The following ABCA9 variants were observed in gnomAD, a reference collection of about 807,000 sequenced individuals.
ABCA9 encodes the protein ATP binding cassette subfamily A member 9.
A neutral mutation model predicts 205.3 loss-of-function variants in ABCA9; 183 were observed. The observed-to-expected ratio is 0.89, with a 90% CI of 0.79 to 1.01. The LOEUF (loss-of-function observed/expected upper bound fraction) is 1.01, where lower values mean the gene tolerates loss of function less well. Ranked by LOEUF, ABCA9 falls within the 50% of genes least tolerant of loss-of-function variation. The pLI is 0.00. For synonymous variants in ABCA9, 651 were observed against 683.3 expected (o/e 0.95, Z 0.74); for missense variants, 1,805 against 1,912.4 (o/e 0.94, Z 1.05).
intron 34 of ABCA9, among the ~76,000 whole-genome samples, chr17:68,984,391 T>G (rs2069162985): frequency 6.6e-6 from 1 of 152,188 alleles, no homozygotes. Context: ...AGATGCTGTT[T>G]ATAAAAATAC....
At chr17:69,042,731 G>A (rs1168665060) in intron 6 of ABCA9, 2 of 152,132 alleles carry the variant, frequency 1.3e-5, no homozygotes, top group Non-Finnish European at 2.9e-5. Flanking sequence ...AAATAAATTT[G>A]GAAAGTTTCA....
chr17:69,041,629 G>A (rs1433505283), intron 6 of ABCA9, among the ~76,000 whole-genome samples: 5 of 152,028 alleles, frequency 3.3e-5, no homozygotes, highest in East Asian at 1.9e-4. Flanking sequence ...ACTTGAACCC[G>A]GGAGGGGGAG....
chr17:68,980,353 C>A (rs1465214932), intron 37 of ABCA9, among the ~76,000 whole-genome samples: 1 of 152,082 alleles, frequency 6.6e-6, no homozygotes, highest in Non-Finnish European at 1.5e-5. Context: ...TAAACTAGTT[C>A]AACCATTGTG....
At chr17:69,041,498 G>T (rs867396702) in intron 6 of ABCA9, among the ~76,000 whole-genome samples, 20 of 152,196 alleles carry the variant, frequency 1.3e-4, no homozygotes, top group Admixed American at 1.3e-4. Flanking sequence ...GAGGTCAGGA[G>T]TTCAAGACCA....
chr17:68,993,430 T>C (rs2069519357), intron 26 of ABCA9, among the ~76,000 whole-genome samples: 1 of 152,226 alleles, frequency 6.6e-6, no homozygotes, highest in South Asian at 2.1e-4. Context: ...TCTTCATTTG[T>C]GCTCTTCCCT....
In ABCA9 at chr17:69,030,865, T is replaced by G. The variant is rs149050463; in HGVS notation, c.1445+1243A>C. On this transcript the variant is annotated intron_variant, in intron 10 of 38. Coordinates refer to ENST00000340001, the MANE Select transcript of ABCA9 (RefSeq NM_080283.4). ...TGGTTGGTATAATAATACCTTTTAA[T>G]TGACATTTCACTTTTCTGCCTTCTA... 2.7e-3 allele frequency among the ~76,000 whole-genome samples: 416 copies of G among 152,332 alleles called. 2 individuals are homozygous for G. The highest frequency in any genetic ancestry group is 6.8e-3 in the African/African-American group (281 of 41,582).
chr17:69,013,335 TCTTTA>T (rs1394713069), intron 22 of ABCA9, among the ~76,000 whole-genome samples: 2 of 152,188 alleles, frequency 1.3e-5, no homozygotes, highest in African/African-American at 4.8e-5. Flanking sequence ...TTTTGAAGTT[TCTTTA>T]CTTCTCTGTT....
At chr17:69,044,669 CA>C in intron 4 of ABCA9, 69 bp from the exon 5 acceptor site, 1 of 1,406,914 alleles carries the variant, frequency 7.1e-7, no homozygotes, top group Non-Finnish European at 9.8e-7. Flanking sequence ...AACAAAATTT[CA>C]AATGTTTCAA....
At chr17:68,995,703 T>C (rs1223952971) in intron 26 of ABCA9, among the ~76,000 whole-genome samples, 192 bp downstream of exon 26, 2 of 152,132 alleles carry the variant, frequency 1.3e-5, no homozygotes, top group Non-Finnish European at 2.9e-5. Context: ...TGACTTGTCA[T>C]AAACCAAAGC....
rs1474517819 is a variant in ABCA9 at position 69,056,803 on chromosome 17, A to G, written c.-14+4063T>C. Among the ~76,000 whole-genome samples the G allele has an allele frequency of 2.0e-5, 3 of 152,318 alleles. No homozygotes were observed. In the East Asian group the frequency reaches 5.8e-4, roughly 29 times the overall value. ...GAGCAGAAGGAACTAGAGTAGAGTG[A>G]TGGTGGTAATAACTATTTTGGAATA... On this transcript the variant is annotated intron_variant, in intron 1 of 38. Coordinates refer to ENST00000340001, the MANE Select transcript of ABCA9 (RefSeq NM_080283.4).
chr17:69,012,104 G>A (rs754007166), intron 22 of ABCA9, 21 bp from the exon 23 acceptor site: 4 of 1,533,772 alleles, frequency 2.6e-6, no homozygotes, highest in Admixed American at 1.8e-5. Flanking sequence ...GTGGAACATG[G>A]TGAGCTGATG....
chr17:69,031,153 C>A (rs963461041), intron 10 of ABCA9, among the ~76,000 whole-genome samples: 4 of 152,158 alleles, frequency 2.6e-5, no homozygotes, highest in Non-Finnish European at 4.4e-5. Context: ...CCACAATTTG[C>A]AAATCTTCAA....
intron 6 of ABCA9, among the ~76,000 whole-genome samples, chr17:69,042,020 TCA>T (rs1567967199): frequency 6.6e-6 from 1 of 152,150 alleles, no homozygotes; most frequent in Non-Finnish European, 1.5e-5. Context: ...GGAGATAATA[TCA>T]CAGTGTGTAA....
At chr17:69,047,620 ATCATT>A (rs1227921753) in intron 3 of ABCA9, among the ~76,000 whole-genome samples, 3 of 152,100 alleles carry the variant, frequency 2.0e-5, no homozygotes, top group Non-Finnish European at 4.4e-5. Flanking sequence ...TCCCCATGCT[ATCATT>A]CTTTGTTCTG....
rs1384803118 is a variant in ABCA9, at chr17:69,027,624, T to C, written c.1791+16A>G. ...CTCTTTTTTATGGCTATGTGACATC[T>C]AATATGCTCACATACCTCTTTCTCC... On this transcript the variant is annotated intron_variant, in intron 13 of 38. Transcript: ENST00000340001. The C allele has an allele frequency of 1.2e-6, 2 of 1,608,142 alleles. No homozygotes were observed. Among genetic ancestry groups the C allele is most frequent in the Non-Finnish European group, 8.5e-7 (1 of 1,177,218 alleles).
At chr17:69,041,836 T>C (rs915891002) in intron 6 of ABCA9, among the ~76,000 whole-genome samples, 1 of 152,108 alleles carries the variant, frequency 6.6e-6, no homozygotes, top group South Asian at 2.1e-4. Flanking sequence ...ACTTTCATCA[T>C]AAACCAAAGA....
intron 6 of ABCA9, 149 bp from the exon 7 acceptor site, chr17:69,035,950 A>T: frequency 1.0e-6 from 1 of 959,978 alleles, no homozygotes; most frequent in Non-Finnish European, 1.5e-6. Flanking sequence ...TACCCTCAGG[A>T]TCACATAATA....
At chr17:69,055,696 A>C (rs1213849325) in intron 1 of ABCA9, among the ~76,000 whole-genome samples, 1 of 152,196 alleles carries the variant, frequency 6.6e-6, no homozygotes, top group Non-Finnish European at 1.5e-5. Flanking sequence ...GATTTCACTC[A>C]ATAACAGCAG....
chr17:69,035,271 A>C lies in ABCA9; in HGVS notation c.1103T>G (p.Phe368Cys). The change falls in exon 8 of 39, where the codon TTT becomes TGT. Residue 368 changes from phenylalanine to cysteine, a missense_variant. By Grantham distance (205) the Phe-to-Cys change is radical. Transcript: ENST00000340001. The part of the protein sequence containing the change: ...LEWTLCLLSP[F>C]AFTVGMAQLI... ...CTGGGCCATCCCAACAGTGAAGGCA[A>C]AGGGGCTAAGAAGACACAAAGTCCA... 6.3e-7 allele frequency: 1 copy of C among 1,594,332 alleles called. No homozygotes were observed. The highest frequency in any genetic ancestry group is 8.5e-7 in the Non-Finnish European group (1 of 1,171,388).
Sources: allele counts gnomAD v4.1 joint callset (sites outside exome capture counted in the v4.1 genomes callset), GRCh38; gene constraint gnomAD v4.1.1; transcripts MANE v1.5; gene names NCBI Gene and HGNC (gene_info 2026-07-23, HGNC 2026-07-21).